RAI14: variants seen among roughly 807,000 people sequenced by gnomAD.
The protein encoded by RAI14 is ankycorbin.
In RAI14, 45 loss-of-function variants were observed where a neutral mutation model predicts 115.4. The ratio of observed to expected loss-of-function variants is 0.39; its 90% CI spans 0.31 to 0.50. The LOEUF (loss-of-function observed/expected upper bound fraction) is 0.50, where lower values mean the gene tolerates loss of function less well. Ranked by LOEUF, RAI14 falls within the 20% of genes least tolerant of loss-of-function variation. The probability of loss-of-function intolerance (pLI) is 0.85; values close to 1 mark genes in which losing one functional copy is unlikely to be tolerated. For synonymous variants in RAI14, 371 were observed against 415.4 expected, an observed-to-expected ratio of 0.89 and a Z score of 1.30; for missense variants, 939 against 1,131.2, an observed-to-expected ratio of 0.83 and a Z score of 2.44.
intron 3 of RAI14, among the ~76,000 whole-genome samples, chr5:34,778,447 C>T (rs1471273574): frequency 1.3e-5 from 2 of 152,180 alleles, no homozygotes; most frequent in East Asian, 3.8e-4. Context: ...GTAATCCCAA[C>T]ACTTTGGGAG....
In RAI14 at chr5:34,823,725, A is replaced by G; in HGVS notation, c.1883A>G (p.Glu628Gly). The G allele has an allele frequency of 6.2e-7, 1 of 1,614,208 alleles. No individual in the cohort carries two copies. Among genetic ancestry groups the G allele is most frequent in the Non-Finnish European group, 8.5e-7 (1 of 1,180,042 alleles). ...ACACAGGAAGCCAGTGATGAAGCTG[A>G]GGACATGAAAGAAGCCATGAATAGG... Reference protein sequence around the residue: ...QMTQEASDEAEDMKEAMNRMI... With the variant: ...QMTQEASDEAGDMKEAMNRMI... Residue 628 changes from glutamate to glycine, a missense_variant, in exon 15 of 18, where the codon GAG becomes GGG. Transcript: ENST00000265109. The surrounding 1 kb of genome is among the most constrained non-coding windows in gnomAD (Gnocchi z 4.5).
At chr5:34,813,998 C>T (rs1212510655) in intron 11 of RAI14, among the ~76,000 whole-genome samples, 1 of 152,104 alleles carries the variant, frequency 6.6e-6, no homozygotes, top group Non-Finnish European at 1.5e-5. Flanking sequence ...CTAGTAAGGA[C>T]TGGGAGAATG....
chr5:34,751,924 T>A (rs1174326255), intron 2 of RAI14, among the ~76,000 whole-genome samples: 5 of 152,198 alleles, frequency 3.3e-5, no homozygotes, highest in Admixed American at 2.6e-4. Context: ...TAACATAGGT[T>A]CCAGTTGTCC....
At chr5:34,829,504 G>GT (rs1757808112) in intron 16 of RAI14, among the ~76,000 whole-genome samples, 1 of 152,074 alleles carries the variant, frequency 6.6e-6, no homozygotes, top group South Asian at 2.1e-4. Context: ...TTTTTATACA[G>GT]TTTTTTCTAG....
intron 2 of RAI14, among the ~76,000 whole-genome samples, chr5:34,709,541 T>C (rs773243595): frequency 1.3e-5 from 2 of 152,208 alleles, no homozygotes; most frequent in African/African-American, 2.4e-5. Flanking sequence ...TTCCTAGTAT[T>C]GGAATTTTGG....
chr5:34,698,164 T>TCCCCC (rs1561250870), intron 2 of RAI14, among the ~76,000 whole-genome samples: 1 of 14,266 alleles, frequency 7.0e-5, no homozygotes, highest in Admixed American at 6.0e-4. Flanking sequence ...CCTTCCTCCC[T>TCCCCC]CCCCTCCTCC....
intron 12 of RAI14, among the ~76,000 whole-genome samples, chr5:34,817,174 G>T (rs1327294619): frequency 1.3e-5 from 2 of 150,876 alleles, no homozygotes; most frequent in Non-Finnish European, 2.9e-5. Context: ...CTACTGGGAA[G>T]GCTGAGGCAG....
At position 34,807,781 on chromosome 5, in the gene RAI14, A is replaced by G. The variant is rs777337290; in HGVS notation, c.322-19A>G. The G allele has an allele frequency of 5.1e-6, 8 of 1,583,222 alleles. No homozygotes were observed. In the South Asian group the frequency reaches 6.6e-5, roughly 13 times the overall value. The stretch of plus-strand genomic sequence containing the variant: ...GCAGGGTATTTTATTATATGGATGT[A>G]TTTATTTTTGTCTTATAGTCTAAAT... On this transcript the variant is annotated intron_variant, in intron 5 of 17. Transcript: ENST00000265109.
At chr5:34,762,127 C>T (rs776827965) in intron 3 of RAI14, among the ~76,000 whole-genome samples, 1 of 152,164 alleles carries the variant, frequency 6.6e-6, no homozygotes, top group Non-Finnish European at 1.5e-5. Context: ...GTGTAAATAA[C>T]TTTTCAGTGT....
chr5:34,752,761 ATATATG>A (rs1747277622), intron 2 of RAI14, among the ~76,000 whole-genome samples: 1 of 129,954 alleles, frequency 7.7e-6, no homozygotes, highest in African/African-American at 2.9e-5. Context: ...ATATATATAT[ATATATG>A]TATCTTTTCT....
chr5:34,687,595 T>C (rs1483420081), intron 2 of RAI14: 5 of 1,514,948 alleles, frequency 3.3e-6, no homozygotes, highest in Non-Finnish European at 3.5e-6. Flanking sequence ...TACACGATAA[T>C]ATTTTTTTAA....
intron 1 of RAI14, among the ~76,000 whole-genome samples, chr5:34,661,829 A>G (rs1355744383): frequency 1.3e-5 from 2 of 152,118 alleles, no homozygotes; most frequent in Non-Finnish European, 2.9e-5. Flanking sequence ...AGCACACTGC[A>G]TTTCTTTCTT....
chr5:34,692,427 G>C (rs559982974), intron 2 of RAI14, among the ~76,000 whole-genome samples: 15 of 151,782 alleles, frequency 9.9e-5, no homozygotes, highest in Non-Finnish European at 2.1e-4. Context: ...CACAATGGGA[G>C]TATTTAAAAT....
intron 2 of RAI14, among the ~76,000 whole-genome samples, chr5:34,692,936 G>A (rs188027247): frequency 5.3e-4 from 80 of 152,232 alleles, no homozygotes; most frequent in African/African-American, 1.9e-3. Context: ...GGGCTGCGAG[G>A]GCGAATCTGT....
At chr5:34,657,925 A>C (rs1422118484) in intron 1 of RAI14, among the ~76,000 whole-genome samples, 1 of 152,184 alleles carries the variant, frequency 6.6e-6, no homozygotes, top group Non-Finnish European at 1.5e-5. Context: ...ATAATCTGAT[A>C]ATCTTTTCTT....
Position 34,807,823 on chromosome 5 carries a change from C to T in RAI14, c.345C>T (p.Val115=), listed in dbSNP as rs6895634. 0.41 allele frequency: 663,582 copies of T among 1,603,290 alleles called. 140,282 individuals are homozygous for T. The highest frequency in any genetic ancestry group is 0.53 in the Admixed American group (31,939 of 59,958). ...AGTCTAAATGCCCAGCCGAAAGTGT[C>T]GACAGCTCTGGGAAAACAGCTTTAC... ...LLQSKCPAES[V]DSSGKTALHY... Residue 115 remains valine (V), a synonymous_variant, in exon 6 of 18, where the codon GTC becomes GTT. Coordinates refer to ENST00000265109, the MANE Select transcript of RAI14 (RefSeq NM_015577.3).
rs781210641 is a variant in RAI14, at chr5:34,811,734, T to TACAAA, written c.558-32_558-31insCAAAA. The TACAAA allele has an allele frequency of 3.9e-5, 61 of 1,560,870 alleles. No individual in the cohort carries two copies. In the African/African-American group the frequency reaches 7.8e-4, roughly 20 times the overall value. Reference sequence around the variant, plus strand: ...CCAAGAAAGACTTTTTACATTCTCTTAGTACTAATTTTGTGTCTCTTTTTT... The same window carrying TACAAA: ...CCAAGAAAGACTTTTTACATTCTCTTACAAAAGTACTAATTTTGTGTCTCTTTTTT... On this transcript the variant is annotated intron_variant, in intron 8 of 17. Coordinates refer to ENST00000265109, the MANE Select transcript of RAI14 (RefSeq NM_015577.3).
At chr5:34,745,014 C>T (rs1745986738) in intron 2 of RAI14, among the ~76,000 whole-genome samples, 1 of 152,182 alleles carries the variant, frequency 6.6e-6, no homozygotes, top group Non-Finnish European at 1.5e-5. Context: ...TTGAGTCTCT[C>T]TCTCCTTACA....
intron 2 of RAI14, among the ~76,000 whole-genome samples, chr5:34,704,518 C>A (rs532028254): frequency 2.6e-5 from 4 of 152,276 alleles, no homozygotes; most frequent in African/African-American, 9.6e-5. Context: ...AACCCGCTGA[C>A]GTTCTGTTTC....
Sources: gnomAD v4.1 joint callset for allele counts (sites outside exome capture counted in the v4.1 genomes callset) on GRCh38, gnomAD v4.1.1 for gene constraint, Gnocchi (gnomAD v3.1) non-coding constraint, MANE v1.5 for transcripts, NCBI Gene and HGNC (gene_info 2026-07-23, HGNC 2026-07-21) for gene names.